The following ARHGAP20 variants were observed in gnomAD, a reference collection of about 807,000 sequenced individuals.
ARHGAP20 encodes Rho GTPase activating protein 20, also known as rho GTPase-activating protein 20.
In ARHGAP20, 34 loss-of-function variants were observed where a neutral mutation model predicts 73.7. The ratio of observed to expected loss-of-function variants is 0.46; its 90% confidence interval spans 0.35 to 0.61. The LOEUF (loss-of-function observed/expected upper bound fraction) is 0.61. Among genes scored for constraint, ARHGAP20 ranks in the 20% least tolerant of loss-of-function variants. The pLI, the probability that ARHGAP20 is intolerant of heterozygous loss-of-function variation, is 0.00. For missense variants in ARHGAP20, 1,314 were observed against 1,420.9 expected, an observed-to-expected ratio of 0.92 and a Z score of 1.21; for synonymous variants, 523 against 518.2, an observed-to-expected ratio of 1.01 and a Z score of -0.13.
intron 2 of ARHGAP20, among the ~76,000 whole-genome samples, chr11:110,664,685 G>A (rs1949685124): frequency 6.9e-6 from 1 of 144,620 alleles, no homozygotes; most frequent in Non-Finnish European, 1.5e-5. Context: ...CGGAGACTGT[G>A]CCACTGCACT....
At chr11:110,679,502 A>G (rs986484811) in intron 2 of ARHGAP20, among the ~76,000 whole-genome samples, 1 of 152,250 alleles carries the variant, frequency 6.6e-6, no homozygotes, top group Admixed American at 6.5e-5. Flanking sequence ...ACTCCTCAAC[A>G]GTGTGACAGA....
chr11:110,698,510 T>C (rs551850742), intron 1 of ARHGAP20, among the ~76,000 whole-genome samples: 1 of 151,844 alleles, frequency 6.6e-6, no homozygotes, highest in Non-Finnish European at 1.5e-5. Flanking sequence ...GTTCTTTGTA[T>C]GTTTGATAAA....
chr11:110,712,193 TC>T lies in ARHGAP20; in HGVS notation c.38del (p.Gly13AspfsTer9). 1.5e-6 allele frequency: 2 copies of T among 1,358,802 alleles called. No homozygotes were observed. The highest frequency in any genetic ancestry group is 2.3e-5 in the South Asian group (1 of 43,188). The allele number at this position is 1,358,802 out of a possible 1,614,324, so 84.2% of individuals were successfully genotyped here. A position where few individuals can be genotyped will look rare whatever the true frequency, so the allele number is the denominator to read the frequency against. The part of the protein sequence containing the change: ...AMSPQQETLG[G>X]QPGRSSSLTG... The stretch of plus-strand genomic sequence containing the variant: ...TCAGGGAAGAGGAGCGCCCCGGCTG[TC>T]CCCCTAGAGTCTCCTGCTGGGGGGA... On this transcript the variant is annotated frameshift_variant, in exon 1 of 15. Coordinates refer to ENST00000683387, the MANE Select transcript of ARHGAP20 (RefSeq NM_001384657.1). LOFTEE classifies it high-confidence loss of function.
At chr11:110,608,864 A>G in intron 8 of ARHGAP20, 120 bp downstream of exon 8, 1 of 758,896 alleles carries the variant, frequency 1.3e-6, no homozygotes, top group South Asian at 2.0e-5. Flanking sequence ...TTAAATGAAC[A>G]CCATGAAATT....
chr11:110,672,465 A>G (rs1449132066), intron 2 of ARHGAP20, among the ~76,000 whole-genome samples: 1 of 151,810 alleles, frequency 6.6e-6, no homozygotes, highest in Non-Finnish European at 1.5e-5. Context: ...TACACCCACC[A>G]GATGGCTAAT....
At chr11:110,670,672 A>G (rs145128724) in intron 2 of ARHGAP20, among the ~76,000 whole-genome samples, 2 of 152,240 alleles carry the variant, frequency 1.3e-5, no homozygotes, top group African/African-American at 4.8e-5. Flanking sequence ...ACAATCTTTC[A>G]GAAAAAGGAA....
chr11:110,711,860 T>G, intron 1 of ARHGAP20: 1 of 1,316,854 alleles, frequency 7.6e-7, no homozygotes, highest in South Asian at 2.2e-5. Flanking sequence ...CGGCGGCGGA[T>G]GGAGACGGGA....
chr11:110,695,396 G>C (rs768269546), intron 1 of ARHGAP20, among the ~76,000 whole-genome samples: 78 of 151,522 alleles, frequency 5.1e-4, no homozygotes, highest in Non-Finnish European at 8.7e-4. Flanking sequence ...AAAGTGAAAA[G>C]ACAACACACA....
intron 12 of ARHGAP20, among the ~76,000 whole-genome samples, chr11:110,584,523 C>CAATG (rs1227808436): frequency 6.6e-6 from 1 of 151,166 alleles, no homozygotes; most frequent in Non-Finnish European, 1.5e-5. Context: ...AATGGACTGA[C>CAATG]AATGAGCATA....
At chr11:110,591,466 C>G (rs1001042089) in intron 10 of ARHGAP20, among the ~76,000 whole-genome samples, 1 of 152,194 alleles carries the variant, frequency 6.6e-6, no homozygotes, top group Non-Finnish European at 1.5e-5. Context: ...AGACTCAATA[C>G]TGCTTAGCAG....
intron 12 of ARHGAP20, among the ~76,000 whole-genome samples, chr11:110,585,491 A>G (rs1435236554): frequency 6.6e-6 from 1 of 152,170 alleles, no homozygotes; most frequent in Non-Finnish European, 1.5e-5. Flanking sequence ...GTTGCTTAAG[A>G]AAAAACAACT....
At chr11:110,664,071 G>C (rs1949670430) in intron 2 of ARHGAP20, among the ~76,000 whole-genome samples, 1 of 152,102 alleles carries the variant, frequency 6.6e-6, no homozygotes, top group Non-Finnish European at 1.5e-5. Flanking sequence ...TAAAAAGTCA[G>C]TAATCCAGAT....
intron 2 of ARHGAP20, among the ~76,000 whole-genome samples, chr11:110,653,175 G>T (rs1949393217): frequency 1.3e-5 from 2 of 152,298 alleles, no homozygotes; most frequent in South Asian, 4.2e-4. Context: ...AAGATTTCAT[G>T]ACGAAAATGT....
intron 2 of ARHGAP20, among the ~76,000 whole-genome samples, chr11:110,650,015 C>A (rs971039336): frequency 1.2e-4 from 18 of 152,092 alleles, no homozygotes; most frequent in African/African-American, 4.1e-4. Flanking sequence ...TACATGAAAT[C>A]TTTAAAAAAA....
At chr11:110,705,866 A>G (rs1950544434) in intron 1 of ARHGAP20, among the ~76,000 whole-genome samples, 1 of 152,200 alleles carries the variant, frequency 6.6e-6, no homozygotes, top group Non-Finnish European at 1.5e-5. Flanking sequence ...GCTTTCCAAT[A>G]GCAAGCAAGG....
rs992094330 is a variant in ARHGAP20, at chr11:110,659,019, T to A, written c.189-28227A>T. Among the ~76,000 whole-genome samples the A allele has an allele frequency of 2.6e-5, 4 of 151,842 alleles. No individual in the cohort carries two copies. The South Asian group carries it at 6.3e-4, about 24-fold the overall frequency. ...ATTGTGAATAATGCCGCAATAAACA[T>A]ACGTGTGCATGTGTCTTTATAGCAG... On this transcript the variant is annotated intron_variant, in intron 2 of 14. Transcript: ENST00000683387.
intron 1 of ARHGAP20, among the ~76,000 whole-genome samples, chr11:110,698,730 G>A (rs1950385711): frequency 6.6e-6 from 1 of 151,872 alleles, no homozygotes; most frequent in Non-Finnish European, 1.5e-5. Context: ...AGTCTGTGAT[G>A]ATCTTTTGTA....
intron 11 of ARHGAP20, among the ~76,000 whole-genome samples, chr11:110,587,974 G>A (rs1947715382): frequency 6.6e-6 from 1 of 152,150 alleles, no homozygotes; most frequent in African/African-American, 2.4e-5. Context: ...AGATTTAGAA[G>A]AAGCAAAATC....
upstream of ARHGAP20, chr11:110,712,768 C>G (rs144894194): frequency 9.2e-3 from 1,407 of 152,670 alleles, 9 homozygotes; most frequent in Middle Eastern, 0.023. Context: ...CCATCCCTTC[C>G]CGCGCCGTGC....
Sources: allele counts gnomAD v4.1 joint callset (sites outside exome capture counted in the v4.1 genomes callset), GRCh38; gene constraint gnomAD v4.1.1; transcripts MANE v1.5; gene names NCBI Gene and HGNC (gene_info 2026-07-23, HGNC 2026-07-21).